P2RX4: variants seen among roughly 807,000 people sequenced by gnomAD.
The protein encoded by P2RX4 is P2X purinoceptor 4.
Under a neutral mutation model 48.0 loss-of-function variants are expected in P2RX4, and 37 were observed. That is an observed-to-expected ratio of 0.77 (90% CI 0.59 to 1.01). The LOEUF is 1.01. P2RX4 is among the 50% of genes least tolerant of loss of function. P2RX4 has a pLI of 0.00. For synonymous variants in P2RX4, 200 were observed against 199.7 expected, an observed-to-expected ratio of 1.00 and a Z score of -0.01; for missense variants, 501 against 521.4, an observed-to-expected ratio of 0.96 and a Z score of 0.38.
chr12:121,229,835 C>T lies in P2RX4; in HGVS notation c.884+736C>T, dbSNP rs187393496. Reference sequence around the variant, plus strand: ...GTCTCTGCCTCTCCTGTCATGAGGCCTTCTGCCTTGTATGTGTCTCTGTGT... The same window carrying T: ...GTCTCTGCCTCTCCTGTCATGAGGCTTTCTGCCTTGTATGTGTCTCTGTGT... On this transcript the variant is annotated intron_variant, in intron 8 of 11. Coordinates refer to ENST00000337233, the MANE Select transcript of P2RX4 (RefSeq NM_002560.3). This position sits in a 1 kb window ranked among gnomAD's most constrained non-coding sequence, Gnocchi z 4.6. 2.6e-5 allele frequency among the ~76,000 whole-genome samples: 4 copies of T among 152,272 alleles called. No homozygotes were observed. The East Asian group carries it at 7.7e-4, about 29-fold the overall frequency.
intron 11 of P2RX4, 135 bp from the exon 12 acceptor site, chr12:121,233,388 A>G: frequency 1.1e-6 from 1 of 882,774 alleles, no homozygotes. Context: ...CACCTTGCGG[A>G]ACAGGAAGGG....
At chr12:121,222,362 C>CTT in intron 4 of P2RX4, 196 bp downstream of exon 4, 1 of 559,188 alleles carries the variant, frequency 1.8e-6, no homozygotes. Flanking sequence ...TCTTGCCCTA[C>CTT]TGTTTTTTTT....
At chr12:121,222,745 G>A in intron 4 of P2RX4, 1 of 1,512,002 alleles carries the variant, frequency 6.6e-7, no homozygotes, top group Non-Finnish European at 8.8e-7. Context: ...CATCACCCTG[G>A]CTGAGATGTG....
At chr12:121,223,433 A>G in intron 5 of P2RX4, 1 of 278,810 alleles carries the variant, frequency 3.6e-6, no homozygotes, top group South Asian at 3.8e-5. Flanking sequence ...CCTTGAACAG[A>G]GGTGGTCAAG....
At position 121,217,210 on chromosome 12, in the gene P2RX4, G is replaced by A. The variant is rs147839356; in HGVS notation, c.211G>A (p.Val71Met). 3.2e-5 allele frequency: 51 copies of A among 1,614,192 alleles called. No homozygotes were observed. Among genetic ancestry groups the A allele is most frequent in the African/African-American group, 6.7e-5 (5 of 75,066 alleles). The change falls in exon 2 of 12, where the codon GTG (valine) becomes ATG (methionine). Residue 71 changes from valine to methionine, a missense_variant. Val to Met is a conservative substitution (Grantham distance 21). This residue lies in a region of P2RX4 where 295 missense variants were observed against 275.3 expected (regional missense o/e 1.07). Transcript: ENST00000337233. Reference sequence around the variant, plus strand: ...CTCCGTTACGACCAAGGTCAAGGGCGTGGCTGTGACCAACACTTCTAAACT... The same window carrying A: ...CTCCGTTACGACCAAGGTCAAGGGCATGGCTGTGACCAACACTTCTAAACT... ...VSSVTTKVKG[V>M]AVTNTSKLGF... is the part of the protein sequence containing the mutation.
At chr12:121,216,820 CAAA>C (rs59513233) in intron 1 of P2RX4, 42 of 525,362 alleles carry the variant, frequency 8.0e-5, no homozygotes, top group Non-Finnish European at 1.0e-4. Flanking sequence ...AACATCGTCT[CAAA>C]AAAAAAAAAA....
intron 2 of P2RX4, among the ~76,000 whole-genome samples, chr12:121,219,354 C>T (rs117316622): frequency 0.012 from 1,774 of 152,258 alleles, 40 homozygotes; most frequent in Non-Finnish European, 0.017. Context: ...TCTGAGTTGC[C>T]CTGATCCCCA....
rs1277732463 is a variant in P2RX4 at position 121,232,507 on chromosome 12, G to A, written c.978G>A (p.Lys326=). 6.2e-7 allele frequency: 1 copy of A among 1,613,632 alleles called. No individual in the cohort carries two copies. Among genetic ancestry groups the A allele is most frequent in the Non-Finnish European group, 8.5e-7 (1 of 1,179,644 alleles). Residue 326 remains lysine, a splice_region_variant and synonymous_variant, in exon 9 of 12, where the codon AAG becomes AAA. Transcript: ENST00000337233. The surrounding 1 kb of genome is among the most constrained non-coding windows in gnomAD (Gnocchi z 4.3). ...GCTTCGACATCATTGTGTTTGGGAAGGTAGCTCGCCGCCACTGGCTCCCCT... is the reference window on the plus strand; with the variant it reads ...GCTTCGACATCATTGTGTTTGGGAAAGTAGCTCGCCGCCACTGGCTCCCCT... ...GIRFDIIVFG[K]AGKFDIIPTM...
At chr12:121,210,422 T>G in intron 1 of P2RX4, 124 bp downstream of exon 1, 10 of 937,350 alleles carry the variant, frequency 1.1e-5, no homozygotes, top group Non-Finnish European at 1.1e-5. Context: ...CGGTGACACC[T>G]TCCCTGGGCC....
intron 1 of P2RX4, chr12:121,214,724 G>C (rs1471183078): frequency 6.6e-6 from 1 of 152,190 alleles, no homozygotes. Context: ...TCTCTAGGCT[G>C]GGCAATGAAC....
At position 121,232,405 on chromosome 12, in the gene P2RX4, T is replaced by TC; in HGVS notation, c.885-5dup. The TC allele has an allele frequency of 1.2e-6, 2 of 1,603,488 alleles. No homozygotes were observed. Among genetic ancestry groups the TC allele is most frequent in the African/African-American group, 1.3e-5 (1 of 74,730 alleles). On this transcript the variant is annotated splice_polypyrimidine_tract_variant and intron_variant, in intron 8 of 11. Transcript: ENST00000337233. The surrounding 1 kb of genome is among the most constrained non-coding windows in gnomAD (Gnocchi z 4.3). The stretch of plus-strand genomic sequence containing the variant: ...CCATCTCCCCCTGATCCATCCTCCT[T>TC]CCCCTCAGGTTTGCCAAGTACTACA...
chr12:121,222,922 C>T, intron 4 of P2RX4, 25 bp from the exon 5 acceptor site: 1 of 1,557,374 alleles, frequency 6.4e-7, no homozygotes, highest in Non-Finnish European at 8.9e-7. Flanking sequence ...GACATGGGAC[C>T]CCCCTGCCAC....
At chr12:121,221,494 A>G (rs1886606579) in intron 2 of P2RX4, among the ~76,000 whole-genome samples, 1 of 149,672 alleles carries the variant, frequency 6.7e-6, no homozygotes, top group South Asian at 2.1e-4. Flanking sequence ...CCCGGGTTCA[A>G]GCAATTCTCC....
intron 5 of P2RX4, among the ~76,000 whole-genome samples, chr12:121,226,693 A>T (rs1322583982): frequency 1.3e-5 from 2 of 152,228 alleles, no homozygotes; most frequent in Non-Finnish European, 2.9e-5. Context: ...TAAAAAGGTG[A>T]GTTGATCTTA....
chr12:121,230,048 G>C (rs578205192), intron 8 of P2RX4, among the ~76,000 whole-genome samples: 1 of 152,174 alleles, frequency 6.6e-6, no homozygotes, highest in Non-Finnish European at 1.5e-5. Flanking sequence ...CTCATGATCA[G>C]AATCTATAGC....
At chr12:121,222,369 T>C in intron 4 of P2RX4, 1 of 572,188 alleles carries the variant, frequency 1.7e-6, no homozygotes, top group Non-Finnish European at 3.1e-6. Flanking sequence ...CTACTGTTTT[T>C]TTTTTTGTTG....
intron 2 of P2RX4, among the ~76,000 whole-genome samples, chr12:121,221,582 C>T (rs941942944): frequency 2.0e-5 from 3 of 151,522 alleles, no homozygotes; most frequent in Non-Finnish European, 2.9e-5. Flanking sequence ...TTAGTAGAGA[C>T]GGGGGTTTCA....
chr12:121,233,644 T>A lies in P2RX4; in HGVS notation c.*95T>A. ...CACCACATCACCCCAGAGAAATTTC[T>A]GGAATCTGATTGAGTCTCCACTCCA... On this transcript the variant is annotated 3_prime_UTR_variant, in exon 12 of 12. Coordinates refer to ENST00000337233, the MANE Select transcript of P2RX4 (RefSeq NM_002560.3). 1 of 1,552,740 alleles carries A rather than the reference T, an allele frequency of 6.4e-7. No individual in the cohort carries two copies. Among genetic ancestry groups the A allele is most frequent in the Non-Finnish European group, 8.7e-7 (1 of 1,147,308 alleles).
rs2288691 is a variant in P2RX4, at chr12:121,222,183, T to C, written c.427+17T>C. The C allele has an allele frequency of 0.053, 84,741 of 1,586,482 alleles. 2,874 individuals are homozygous for C. The highest frequency in any genetic ancestry group is 0.12 in the South Asian group (10,573 of 90,352). ...ACAGCAACGGTACGAGCTTGTGGCCTCCTGGGGAGGGCGGCCCCTGAGCAG... is the reference window on the plus strand; with the variant it reads ...ACAGCAACGGTACGAGCTTGTGGCCCCCTGGGGAGGGCGGCCCCTGAGCAG... On this transcript the variant is annotated intron_variant, in intron 4 of 11. Transcript: ENST00000337233.
Sources: gnomAD v4.1 joint callset for allele counts (sites outside exome capture counted in the v4.1 genomes callset) on GRCh38, gnomAD v4.1.1 for gene constraint, gnomAD v4.1.1 regional missense constraint, Gnocchi (gnomAD v3.1) non-coding constraint, MANE v1.5 for transcripts, NCBI Gene and HGNC (gene_info 2026-07-23, HGNC 2026-07-21) for gene names.